RAP1GAP: variants seen among roughly 807,000 people sequenced by gnomAD.
The protein encoded by RAP1GAP is rap1 GTPase-activating protein 1.
Under a neutral mutation model 87.2 loss-of-function variants are expected in RAP1GAP, and 35 were observed. The observed-to-expected ratio is 0.40, with a 90% confidence interval of 0.31 to 0.53. The LOEUF is 0.53. RAP1GAP is among the 20% of genes least tolerant of loss of function. The pLI, the probability that RAP1GAP is intolerant of heterozygous loss-of-function variation, is 0.48. For synonymous variants in RAP1GAP, 375 were observed against 363.9 expected, an observed-to-expected ratio of 1.03 and a Z score of -0.35; for missense variants, 734 against 898.9, an observed-to-expected ratio of 0.82 and a Z score of 2.35.
intron 1 of RAP1GAP, among the ~76,000 whole-genome samples, chr1:21,660,426 A>C (rs1364348630): frequency 6.7e-6 from 1 of 148,470 alleles, no homozygotes; most frequent in African/African-American, 2.5e-5. Context: ...CTCTGCCTCC[A>C]GGGTTCAAGC....
chr1:21,624,600 C>G (rs1201868924), intron 3 of RAP1GAP, among the ~76,000 whole-genome samples: 3 of 152,072 alleles, frequency 2.0e-5, no homozygotes, highest in African/African-American at 4.8e-5. Flanking sequence ...ATCATTCAGT[C>G]TCTCTAGCCC....
At chr1:21,608,168 A>G (rs533487766) in intron 17 of RAP1GAP, 45 bp downstream of exon 17, 3 of 1,604,588 alleles carry the variant, frequency 1.9e-6, no homozygotes, top group African/African-American at 1.3e-5. Context: ...ATTCCGCCCT[A>G]GCCACGTCCC....
chr1:21,660,015 A>G (rs980205562), intron 1 of RAP1GAP, among the ~76,000 whole-genome samples: 1 of 151,924 alleles, frequency 6.6e-6, no homozygotes, highest in Non-Finnish European at 1.5e-5. Context: ...AGTCCTTCCA[A>G]CAGTACACAC....
In RAP1GAP at chr1:21,603,843, C is replaced by T. The variant is rs368517378; in HGVS notation, c.1429-930G>A. 25 of 1,609,398 alleles carry T rather than the reference C, an allele frequency of 1.6e-5. No individual in the cohort carries two copies. Among genetic ancestry groups the T allele is most frequent in the East Asian group, 6.7e-5 (3 of 44,736 alleles). The stretch of plus-strand genomic sequence containing the variant: ...GCCCCGCGGACGACAACCTCTTCCA[C>T]GGTTCCTATGCCTATGGCACTGCCC... On this transcript the variant is annotated intron_variant, in intron 18 of 24. Coordinates refer to ENST00000374765, the MANE Select transcript of RAP1GAP (RefSeq NM_002885.4). This position sits in a 1 kb window ranked among gnomAD's most constrained non-coding sequence, Gnocchi z 6.0.
chr1:21,616,585 C>T lies in RAP1GAP; in HGVS notation c.291+721G>A, dbSNP rs367765541. On this transcript the variant is annotated intron_variant, in intron 7 of 24. Transcript: ENST00000374765. ...CTTCCCCATTTTGGCTCTATGCTGA[C>T]GAAGAGACAGCACCCGGCCTGCAAC... Among the ~76,000 whole-genome samples, 33 of 152,334 alleles carry T rather than the reference C, an allele frequency of 2.2e-4. No individual in the cohort carries two copies. In the South Asian group the frequency reaches 3.1e-3, roughly 14 times the overall value.
intron 1 of RAP1GAP, among the ~76,000 whole-genome samples, chr1:21,665,514 AAGC>A (rs1449630926): frequency 1.3e-5 from 2 of 152,154 alleles, no homozygotes. Flanking sequence ...TGCTGGTGCA[AAGC>A]AGGAGTATCA....
chr1:21,613,967 A>AC lies in RAP1GAP; in HGVS notation c.395+18dup. 6.5e-7 allele frequency: 1 copy of AC among 1,550,092 alleles called. No individual in the cohort carries two copies. Among genetic ancestry groups the AC allele is most frequent in the Non-Finnish European group, 8.9e-7 (1 of 1,128,032 alleles). ...CCTCAGCCCTTCCTGCCATCTCAGGACTCCCCCACCACCCTCACCTGAGCA... is the reference window on the plus strand; with the variant it reads ...CCTCAGCCCTTCCTGCCATCTCAGGACCTCCCCCACCACCCTCACCTGAGCA... On this transcript the variant is annotated intron_variant, in intron 8 of 24. Coordinates refer to ENST00000374765, the MANE Select transcript of RAP1GAP (RefSeq NM_002885.4). This position sits in a 1 kb window ranked among gnomAD's most constrained non-coding sequence, Gnocchi z 4.7.
rs2275360 is a variant in RAP1GAP, at chr1:21,617,327, G to A, written c.270C>T (p.Tyr90=). 416,282 of 1,583,572 alleles carry A rather than the reference G, an allele frequency of 0.26. 58,636 individuals are homozygous for A. Among genetic ancestry groups the A allele is most frequent in the Admixed American group, 0.5 (27,562 of 54,808 alleles). Residue 90 remains tyrosine, a synonymous_variant, in exon 7 of 25, where the codon TAC becomes TAT. Coordinates refer to ENST00000374765, the MANE Select transcript of RAP1GAP (RefSeq NM_002885.4). ...CCACCTTGCCGAGAAAGTGCTTCCG[G>A]TAGATGCGGGCTGTGGGGTTGCACT... ...KLECNPTARI[Y]RKHFLGKEHF...
chr1:21,609,442 T>C lies in RAP1GAP; in HGVS notation c.1071+133A>G, dbSNP rs2076852359. 4 of 516,622 alleles carry C rather than the reference T, an allele frequency of 7.7e-6. No individual in the cohort carries two copies. Among genetic ancestry groups the C allele is most frequent in the Admixed American group, 3.2e-5 (1 of 31,336 alleles). The allele number at this position is 516,622 out of a possible 1,614,324, so 32.0% of individuals were successfully genotyped here. ...GATGAATGGAAAAGCCAGGCCCCGG[T>C]TGCAGTTAGGGGAGCCCAGCTGCCC... On this transcript the variant is annotated intron_variant, in intron 15 of 24. Coordinates refer to ENST00000374765, the MANE Select transcript of RAP1GAP (RefSeq NM_002885.4). The surrounding 1 kb of genome is among the most constrained non-coding windows in gnomAD (Gnocchi z 4.4).
rs372066026 is a variant in RAP1GAP, at chr1:21,611,976, C to A, written c.612+50G>T. 1,211 of 1,496,496 alleles carry A rather than the reference C, an allele frequency of 8.1e-4. 3 individuals carry two copies. The highest frequency in any genetic ancestry group is 1.3e-3 in the South Asian group (113 of 84,510). 92.7% of individuals were successfully genotyped at this position (1,496,496 alleles called of 1,614,324 possible). ...GCTGCCCTGGAAAAGGTGTGAGGCT[C>A]CAGATATGGGGCCAGGTGGGGAGGG... On this transcript the variant is annotated intron_variant, in intron 11 of 24. Coordinates refer to ENST00000374765, the MANE Select transcript of RAP1GAP (RefSeq NM_002885.4).
chr1:21,628,888 A>G (rs2093082770), intron 2 of RAP1GAP, among the ~76,000 whole-genome samples: 1 of 140,878 alleles, frequency 7.1e-6, no homozygotes, highest in Non-Finnish European at 1.5e-5. Context: ...ACTCCACCTC[A>G]GAAAAAAAAA....
chr1:21,631,851 A>T (rs1362219235), intron 2 of RAP1GAP, among the ~76,000 whole-genome samples: 1 of 152,170 alleles, frequency 6.6e-6, no homozygotes, highest in Non-Finnish European at 1.5e-5. Flanking sequence ...TGTCCCTTCC[A>T]CAGCGTGCAT....
intron 3 of RAP1GAP, among the ~76,000 whole-genome samples, chr1:21,620,332 G>A (rs964267163): frequency 2.6e-5 from 4 of 152,206 alleles, no homozygotes; most frequent in Admixed American, 2.6e-4. Context: ...TACCCTTGGG[G>A]AGGGACAGAT....
At chr1:21,653,722 G>A (rs138429496) in intron 1 of RAP1GAP, among the ~76,000 whole-genome samples, 550 of 152,144 alleles carry the variant, frequency 3.6e-3, no homozygotes, top group Middle Eastern at 6.8e-3. Context: ...AGGCGGTTGG[G>A]GCAGAGGACT....
chr1:21,656,240 G>C (rs554880848), intron 1 of RAP1GAP, among the ~76,000 whole-genome samples: 1 of 152,154 alleles, frequency 6.6e-6, no homozygotes, highest in South Asian at 2.1e-4. Context: ...AGATCAGCCT[G>C]ATCAACATGG....
chr1:21,651,288 G>C (rs2096539773), intron 1 of RAP1GAP: 1 of 399,094 alleles, frequency 2.5e-6, no homozygotes, highest in African/African-American at 2.0e-5. Flanking sequence ...GGCTTCTAGA[G>C]TCCCTTTATC....
intron 7 of RAP1GAP, 35 bp downstream of exon 7, chr1:21,617,271 C>A: frequency 6.5e-7 from 1 of 1,549,880 alleles, no homozygotes; most frequent in Non-Finnish European, 8.7e-7. Flanking sequence ...TGTGACCCAC[C>A]CCAGCCAGCC....
chr1:21,618,626 G>A (rs1414952761), intron 5 of RAP1GAP, among the ~76,000 whole-genome samples: 3 of 152,092 alleles, frequency 2.0e-5, no homozygotes, highest in Non-Finnish European at 4.4e-5. Flanking sequence ...AGTCTCCTAG[G>A]GCCTGAGTTG....
intron 1 of RAP1GAP, among the ~76,000 whole-genome samples, chr1:21,660,059 C>G (rs1270104576): frequency 1.3e-5 from 2 of 151,842 alleles, no homozygotes; most frequent in Non-Finnish European, 2.9e-5. Flanking sequence ...CTGGTATCCT[C>G]GGGCTTGAAT....
Sources: allele counts gnomAD v4.1 joint callset (sites outside exome capture counted in the v4.1 genomes callset), GRCh38; gene constraint gnomAD v4.1.1; non-coding constraint Gnocchi (gnomAD v3.1); transcripts MANE v1.5; gene names NCBI Gene and HGNC (gene_info 2026-07-23, HGNC 2026-07-21).